Variants in HELZ observed in about 807,000 individuals in gnomAD.
The protein encoded by HELZ is helicase with zinc finger.
A neutral mutation model predicts 218.2 loss-of-function variants in HELZ; 23 were observed. The observed-to-expected ratio is 0.11, with a 90% CI of 0.08 to 0.15. HELZ has a LOEUF of 0.15. Ranked by LOEUF, HELZ falls within the 10% of genes least tolerant of loss-of-function variation. The pLI is 1.00. For synonymous variants in HELZ, 814 were observed against 829.4 expected (o/e 0.98, Z 0.32); for missense variants, 1,813 against 2,353.7 (o/e 0.77, Z 4.75).
At chr17:67,091,232 C>T (rs1255014242) in intron 31 of HELZ, among the ~76,000 whole-genome samples, 1 of 151,766 alleles carries the variant, frequency 6.6e-6, no homozygotes, top group African/African-American at 2.4e-5. Context: ...AATTCAAATA[C>T]ATAATGATAT....
chr17:67,221,771 TATA>T (rs576323021), intron 3 of HELZ, among the ~76,000 whole-genome samples: 3 of 152,312 alleles, frequency 2.0e-5, no homozygotes, highest in Admixed American at 2.0e-4. Flanking sequence ...TGTTAGCTAT[TATA>T]ATGTCTCTAA....
chr17:67,197,991 TA>T (rs1326334155), intron 7 of HELZ, among the ~76,000 whole-genome samples: 1 of 152,144 alleles, frequency 6.6e-6, no homozygotes, highest in Non-Finnish European at 1.5e-5. Flanking sequence ...AAAAAGCCAT[TA>T]AAAGATCTCT....
chr17:67,088,266 G>A (rs1055417372), intron 31 of HELZ, among the ~76,000 whole-genome samples: 3 of 152,000 alleles, frequency 2.0e-5, no homozygotes, highest in African/African-American at 7.2e-5. Context: ...TGATAAATCT[G>A]CTGTTCAGTC....
rs2036813765 is a variant in HELZ at position 67,098,345 on chromosome 17, C to T, written c.5241+8824G>A. Among the ~76,000 whole-genome samples, 3 of 152,118 alleles carry T rather than the reference C, an allele frequency of 2.0e-5. No homozygotes were observed. In the South Asian group the frequency reaches 6.2e-4, roughly 31 times the overall value. On this transcript the variant is annotated intron_variant, in intron 31 of 32. Transcript: ENST00000358691. ...TTTTAAAAGGGGGGAGTTAAATGAT[C>T]TTTAAGGCCTGACTAGTTCCAAAGT...
intron 3 of HELZ, among the ~76,000 whole-genome samples, chr17:67,233,210 G>T (rs747805965): frequency 6.6e-6 from 1 of 152,142 alleles, no homozygotes; most frequent in Non-Finnish European, 1.5e-5. Flanking sequence ...AAAATTAGCC[G>T]GGTGTGATGG....
intron 28 of HELZ, among the ~76,000 whole-genome samples, chr17:67,109,935 A>C (rs1418473623): frequency 6.6e-6 from 1 of 152,226 alleles, no homozygotes; most frequent in East Asian, 1.9e-4. Context: ...TTTTATTAGC[A>C]TATCTACTTT....
Position 67,078,427 on chromosome 17 carries a change from T to G in HELZ, c.5654A>C (p.Gln1885Pro). 6.3e-7 allele frequency: 1 copy of G among 1,596,276 alleles called. No homozygotes were observed. Among genetic ancestry groups the G allele is most frequent in the Middle Eastern group, 1.7e-4 (1 of 5,926 alleles). Residue 1885 changes from glutamine to proline, a missense_variant, in exon 33 of 33, where the codon CAG (glutamine) becomes CCG (proline). Gln to Pro is a moderately conservative substitution (Grantham distance 76). Coordinates refer to ENST00000358691, the MANE Select transcript of HELZ (RefSeq NM_014877.4). ...IAESANSSSP[Q>P]SSAGGKPAMS... ...GGCGGGCTTGCCCCCCGCAGAGCTC[T>G]GGGGGCTACTGCTATTGGCCGACTC...
At chr17:67,094,188 G>A (rs1392393297) in intron 31 of HELZ, among the ~76,000 whole-genome samples, 2 of 152,134 alleles carry the variant, frequency 1.3e-5, no homozygotes, top group Non-Finnish European at 2.9e-5. Context: ...TGGGTGTGGT[G>A]GCATGCATCT....
intron 3 of HELZ, among the ~76,000 whole-genome samples, chr17:67,220,657 T>C (rs1282648388): frequency 6.6e-6 from 1 of 151,974 alleles, no homozygotes; most frequent in Non-Finnish European, 1.5e-5. Flanking sequence ...TAAATCGTTA[T>C]TTTATTTTAT....
At chr17:67,098,217 G>A (rs1213070737) in intron 31 of HELZ, among the ~76,000 whole-genome samples, 1 of 152,190 alleles carries the variant, frequency 6.6e-6, no homozygotes, top group Non-Finnish European at 1.5e-5. Context: ...GAAGAGCAGT[G>A]TGATGCTTCA....
rs2144152993 is a variant in HELZ at position 67,167,716 on chromosome 17, T to C, written c.1511A>G (p.Asn504Ser). ...CTTAAAGCGACCAAAAAGTTGTCCA[T>C]TCTGAGCATACTTTGCACCTCCAGA... ...GVSGGAKYAQ[N>S]GQLFGRFKLT... Residue 504 changes from asparagine to serine, a missense_variant, in exon 14 of 33, where the codon AAT becomes AGT. By Grantham distance (46) the Asn-to-Ser change is conservative. Coordinates refer to ENST00000358691, the MANE Select transcript of HELZ (RefSeq NM_014877.4). The C allele has an allele frequency of 3.7e-6, 6 of 1,614,132 alleles. No homozygotes were observed. The highest frequency in any genetic ancestry group is 1.6e-4 in the Middle Eastern group (1 of 6,062).
At chr17:67,134,235 A>G (rs1166214847) in intron 23 of HELZ, among the ~76,000 whole-genome samples, 2 of 152,120 alleles carry the variant, frequency 1.3e-5, no homozygotes, top group African/African-American at 2.4e-5. Flanking sequence ...AACACAAAAC[A>G]TTAGCTGGGC....
intron 7 of HELZ, among the ~76,000 whole-genome samples, chr17:67,197,128 C>G (rs1371486127): frequency 6.6e-6 from 1 of 152,142 alleles, no homozygotes; most frequent in East Asian, 1.9e-4. Flanking sequence ...GTGGGAGGGA[C>G]CCAGTGGGAG....
At chr17:67,105,193 A>AT (rs989585090) in intron 31 of HELZ, among the ~76,000 whole-genome samples, 69 of 152,156 alleles carry the variant, frequency 4.5e-4, no homozygotes, top group African/African-American at 1.4e-3. Context: ...GATGGTTATA[A>AT]TTTTTTTTAC....
intron 17 of HELZ, among the ~76,000 whole-genome samples, chr17:67,151,462 C>T (rs547794624): frequency 2.0e-4 from 31 of 152,080 alleles, no homozygotes; most frequent in Admixed American, 2.6e-4. Flanking sequence ...ACAAAATAAA[C>T]ACCTAATTAT....
chr17:67,225,595 A>G (rs2040867683), intron 3 of HELZ: 1 of 152,368 alleles, frequency 6.6e-6, no homozygotes, highest in Non-Finnish European at 1.5e-5. Context: ...AAAAAATGTA[A>G]AACACACACA....
At chr17:67,093,923 CA>C (rs2036651660) in intron 31 of HELZ, among the ~76,000 whole-genome samples, 1 of 152,058 alleles carries the variant, frequency 6.6e-6, no homozygotes, top group African/African-American at 2.4e-5. Flanking sequence ...TCTTAGTTCC[CA>C]AAACTATAGT....
rs376231234 is a variant in HELZ at position 67,125,011 on chromosome 17, G to T, written c.3388-997C>A. ...AAATTACATCTGAAAACTAAAGAGGGGATTATGTCTACAGCAGGAAAAAAA... is the reference window on the plus strand; with the variant it reads ...AAATTACATCTGAAAACTAAAGAGGTGATTATGTCTACAGCAGGAAAAAAA... On this transcript the variant is annotated intron_variant, in intron 24 of 32. Transcript: ENST00000358691. Among the ~76,000 whole-genome samples, 15 of 143,570 alleles carry T rather than the reference G, an allele frequency of 1.0e-4. 1 individual carries two copies. The East Asian group carries it at 1.3e-3, about 13-fold the overall frequency. 94.2% of individuals were successfully genotyped at this position (143,570 alleles called of 152,430 possible).
chr17:67,160,822 C>A, intron 16 of HELZ, 75 bp downstream of exon 16: 1 of 1,100,284 alleles, frequency 9.1e-7, no homozygotes, highest in East Asian at 2.5e-5. Flanking sequence ...CTTGCTAGCC[C>A]TCATTGTGTA....
Sources: allele counts gnomAD v4.1 joint callset (sites outside exome capture counted in the v4.1 genomes callset), GRCh38; gene constraint gnomAD v4.1.1; transcripts MANE v1.5; gene names NCBI Gene and HGNC (gene_info 2026-07-23, HGNC 2026-07-21).